Variants in NXPE2 observed in about 807,000 individuals in gnomAD.
The protein encoded by NXPE2 is NXPE family member 2.
Under a neutral mutation model 34.4 loss-of-function variants are expected in NXPE2, and 34 were observed. That is an observed-to-expected ratio of 0.99 (90% CI 0.75 to 1.31). The LOEUF (loss-of-function observed/expected upper bound fraction) is 1.31, where lower values mean the gene tolerates loss of function less well. NXPE2 is among the 40% of genes most tolerant of loss of function. The pLI is 0.00. For missense variants in NXPE2, 649 were observed against 672.5 expected, an observed-to-expected ratio of 0.97 and a Z score of 0.39; for synonymous variants, 235 against 231.3, an observed-to-expected ratio of 1.02 and a Z score of -0.15.
chr11:114,659,709 T>C, the NXPE2 span, among the ~76,000 whole-genome samples: 1 of 152,140 alleles, frequency 6.6e-6, no homozygotes, highest in Non-Finnish European at 1.5e-5. Flanking sequence ...TAAATACATG[T>C]ATTAGAAAAG....
At chr11:114,467,795 G>C in the NXPE2 span, among the ~76,000 whole-genome samples, 2 of 152,050 alleles carry the variant, frequency 1.3e-5, no homozygotes, top group Non-Finnish European at 2.9e-5. Context: ...ATTTTGCCGG[G>C]TGTGGTGGTG....
At chr11:114,468,755 A>C in the NXPE2 span, among the ~76,000 whole-genome samples, 1 of 152,154 alleles carries the variant, frequency 6.6e-6, no homozygotes, top group African/African-American at 2.4e-5. Flanking sequence ...ATATTTAATA[A>C]ATATTAACTT....
the NXPE2 span, among the ~76,000 whole-genome samples, chr11:114,605,987 G>C: frequency 1.3e-5 from 2 of 151,294 alleles, no homozygotes; most frequent in Non-Finnish European, 2.9e-5. Flanking sequence ...ATTGTTACCA[G>C]GTGGATACTA....
At chr11:114,708,850 G>A (rs141947235), downstream of NXPE2, among the ~76,000 whole-genome samples, 7 of 152,198 alleles carry the variant, frequency 4.6e-5, no homozygotes, top group Admixed American at 6.5e-5. Flanking sequence ...ATGAGTTATC[G>A]TTTTCCCATG....
the NXPE2 span, among the ~76,000 whole-genome samples, chr11:114,769,272 T>C: frequency 5.5e-4 from 83 of 151,516 alleles, no homozygotes; most frequent in African/African-American, 2.0e-3. Context: ...TACCATCTCA[T>C]GCCAGTTAGA....
At chr11:114,777,921 A>T in the NXPE2 span, among the ~76,000 whole-genome samples, 1 of 152,196 alleles carries the variant, frequency 6.6e-6, no homozygotes, top group African/African-American at 2.4e-5. Flanking sequence ...TGAGCAACTG[A>T]GCAAATAACT....
At chr11:114,625,109 T>G in the NXPE2 span, among the ~76,000 whole-genome samples, 2 of 152,090 alleles carry the variant, frequency 1.3e-5, no homozygotes, top group African/African-American at 4.8e-5. Context: ...TAATAAGTAT[T>G]GCCTCATGGG....
chr11:114,605,879 C>T, the NXPE2 span, among the ~76,000 whole-genome samples: 2 of 151,628 alleles, frequency 1.3e-5, no homozygotes, highest in East Asian at 3.9e-4. Context: ...ATAAGTGTTG[C>T]CTCGTGCATA....
chr11:114,634,256 G>C, the NXPE2 span, among the ~76,000 whole-genome samples: 1 of 151,930 alleles, frequency 6.6e-6, no homozygotes, highest in Admixed American at 6.6e-5. Context: ...CTGCATAAAT[G>C]TCTTCTTTTG....
chr11:114,574,830 A>T, the NXPE2 span, among the ~76,000 whole-genome samples: 1 of 152,134 alleles, frequency 6.6e-6, no homozygotes, highest in Non-Finnish European at 1.5e-5. Context: ...ATCCTCCCTA[A>T]ATAATTCTAT....
the NXPE2 span, among the ~76,000 whole-genome samples, chr11:114,587,415 T>G: frequency 6.6e-6 from 1 of 152,320 alleles, no homozygotes; most frequent in East Asian, 1.9e-4. Context: ...CAAACCTGCA[T>G]TCTCTATTAA....
chr11:114,501,526 G>C, the NXPE2 span, among the ~76,000 whole-genome samples: 1 of 152,170 alleles, frequency 6.6e-6, no homozygotes, highest in Non-Finnish European at 1.5e-5. Context: ...GGTTATTGTA[G>C]TATATTTAAG....
chr11:114,707,362 CTGGGATTA>C, downstream of NXPE2: 1 of 378,112 alleles, frequency 2.6e-6, no homozygotes, highest in South Asian at 1.9e-5. Context: ...TCCCAAAGTG[CTGGGATTA>C]CAGGCATGAA....
the NXPE2 span, among the ~76,000 whole-genome samples, chr11:114,745,175 A>G: frequency 6.6e-6 from 1 of 152,214 alleles, no homozygotes; most frequent in African/African-American, 2.4e-5. Flanking sequence ...GTGTTGCTAT[A>G]AAGGAATACC....
At chr11:114,723,142 G>C in the NXPE2 span, among the ~76,000 whole-genome samples, 1 of 152,158 alleles carries the variant, frequency 6.6e-6, no homozygotes, top group African/African-American at 2.4e-5. Context: ...CTGGTAGGGA[G>C]GAGGAGAGGA....
the NXPE2 span, among the ~76,000 whole-genome samples, chr11:114,489,680 C>G: frequency 6.6e-6 from 1 of 152,200 alleles, no homozygotes; most frequent in African/African-American, 2.4e-5. Context: ...GAAACTCTCA[C>G]TAAATTAGGT....
the NXPE2 span, among the ~76,000 whole-genome samples, chr11:114,725,161 GAT>G: frequency 6.6e-6 from 1 of 151,980 alleles, no homozygotes; most frequent in African/African-American, 2.4e-5. Flanking sequence ...GGACAGCGAA[GAT>G]ACTCTATATT....
At chr11:114,619,097 G>T in the NXPE2 span, among the ~76,000 whole-genome samples, 3 of 152,034 alleles carry the variant, frequency 2.0e-5, no homozygotes, top group Non-Finnish European at 4.4e-5. Flanking sequence ...GGTAACCACT[G>T]TTGCACTGTG....
At chr11:114,640,921 A>G in the NXPE2 span, among the ~76,000 whole-genome samples, 2 of 151,884 alleles carry the variant, frequency 1.3e-5, no homozygotes, top group Non-Finnish European at 2.9e-5. Context: ...TTTCTCTGTT[A>G]TTTGTTTTGC....
Sources: allele counts gnomAD v4.1 joint callset (sites outside exome capture counted in the v4.1 genomes callset), GRCh38; gene constraint gnomAD v4.1.1; transcripts MANE v1.5; gene names NCBI Gene and HGNC (gene_info 2026-07-23, HGNC 2026-07-21).